Variants in PTPRN2 observed in about 807,000 individuals in gnomAD.
PTPRN2 encodes receptor-type tyrosine-protein phosphatase N2.
Under a neutral mutation model 118.8 loss-of-function variants are expected in PTPRN2, and 74 were observed. The ratio of observed to expected loss-of-function variants is 0.62; its 90% CI spans 0.52 to 0.76. PTPRN2 has a LOEUF of 0.76. Ranked by LOEUF, PTPRN2 falls within the 30% of genes least tolerant of loss-of-function variation. PTPRN2 has a pLI of 0.00. For missense variants in PTPRN2, 1,481 were observed against 1,394.4 expected, an observed-to-expected ratio of 1.06 and a Z score of -0.99; for synonymous variants, 641 against 608.0, an observed-to-expected ratio of 1.05 and a Z score of -0.80.
chr7:158,083,935 G>C (rs1053544436), intron 10 of PTPRN2, among the ~76,000 whole-genome samples: 1 of 152,254 alleles, frequency 6.6e-6, no homozygotes, highest in East Asian at 1.9e-4. Flanking sequence ...ACTTGAATAT[G>C]TGCAGGCTCT....
At chr7:158,484,981 A>G (rs1273026655) in intron 2 of PTPRN2, among the ~76,000 whole-genome samples, 1 of 152,144 alleles carries the variant, frequency 6.6e-6, no homozygotes, top group Non-Finnish European at 1.5e-5. Flanking sequence ...GTGAGCCACG[A>G]GCGCAAGGGC....
At chr7:158,151,916 G>A (rs1408018657) in intron 6 of PTPRN2, among the ~76,000 whole-genome samples, 1 of 152,190 alleles carries the variant, frequency 6.6e-6, no homozygotes, top group Non-Finnish European at 1.5e-5. Flanking sequence ...GCTCACGCCT[G>A]TAATCCCAGC....
At chr7:158,304,407 G>C (rs539548256) in intron 3 of PTPRN2, among the ~76,000 whole-genome samples, 1 of 151,006 alleles carries the variant, frequency 6.6e-6, no homozygotes, top group Non-Finnish European at 1.5e-5. Context: ...ATGCTAAGAC[G>C]TACACAGGCT....
intron 1 of PTPRN2, among the ~76,000 whole-genome samples, chr7:158,542,934 G>A (rs918954217): frequency 7.9e-5 from 12 of 152,158 alleles, no homozygotes; most frequent in African/African-American, 2.4e-4. Flanking sequence ...TGGGGGAGCC[G>A]CAGAGACCAC....
intron 12 of PTPRN2, among the ~76,000 whole-genome samples, chr7:157,791,575 C>T (rs970797133): frequency 2.0e-5 from 3 of 150,734 alleles, no homozygotes; most frequent in African/African-American, 2.5e-5. Flanking sequence ...TGCACCCGCC[C>T]CCCCTCCCTG....
intron 4 of PTPRN2, among the ~76,000 whole-genome samples, chr7:158,204,845 A>G (rs1451092271): frequency 1.3e-5 from 2 of 152,204 alleles, no homozygotes; most frequent in Admixed American, 1.3e-4. Flanking sequence ...TTTTGTCTAA[A>G]GCAAAAATAA....
At chr7:157,825,649 T>A (rs1807124871) in intron 12 of PTPRN2, among the ~76,000 whole-genome samples, 1 of 152,214 alleles carries the variant, frequency 6.6e-6, no homozygotes, top group South Asian at 2.1e-4. Context: ...CCTGGACCAC[T>A]GCCCTCCACA....
At position 158,312,735 on chromosome 7, in the gene PTPRN2, A is replaced by G. The variant is rs1282948249; in HGVS notation, c.277+4084T>C. ...CTCACATATAGATACCCACACACAC[A>G]CACCTGCACACTCATTCACGTGCTC... On this transcript the variant is annotated intron_variant, in intron 3 of 22. Coordinates refer to ENST00000389418, the MANE Select transcript of PTPRN2 (RefSeq NM_002847.5). Among the ~76,000 whole-genome samples the G allele has an allele frequency of 2.7e-5, 4 of 147,458 alleles. 1 individual carries two copies. Among genetic ancestry groups the G allele is most frequent in the East Asian group, 4.2e-4 (2 of 4,770 alleles).
Position 157,603,952 on chromosome 7 carries a change from C to T in PTPRN2, c.2418+50G>A, listed in dbSNP as rs756791152. 15 of 1,541,278 alleles carry T rather than the reference C, an allele frequency of 9.7e-6. No homozygotes were observed. Among genetic ancestry groups the T allele is most frequent in the Admixed American group, 3.4e-5 (2 of 59,332 alleles). Reference sequence around the variant, plus strand: ...ACCTTCCCACGTGATTTGCCGCGTCCGTGCCACCCAAGGGAAAGCCTGGGG... The same window carrying T: ...ACCTTCCCACGTGATTTGCCGCGTCTGTGCCACCCAAGGGAAAGCCTGGGG... On this transcript the variant is annotated intron_variant, in intron 16 of 22. Transcript: ENST00000389418. The surrounding 1 kb of genome is among the most constrained non-coding windows in gnomAD (Gnocchi z 5.4).
intron 9 of PTPRN2, 144 bp from the exon 10 acceptor site, chr7:158,111,059 A>G: frequency 3.0e-6 from 2 of 674,666 alleles, no homozygotes; most frequent in Admixed American, 5.9e-5. Flanking sequence ...CCCCTCAGGC[A>G]CAAGGAGTCA....
rs144801967 is a variant in PTPRN2 at position 158,477,345 on chromosome 7, G to A, written c.163+12390C>T. On this transcript the variant is annotated intron_variant, in intron 2 of 22. Coordinates refer to ENST00000389418, the MANE Select transcript of PTPRN2 (RefSeq NM_002847.5). ...CCTGTCTGACATTTTAACACGCACAGAAAACAGGGCACACAGCAAACAGGA... is the reference window on the plus strand; with the variant it reads ...CCTGTCTGACATTTTAACACGCACAAAAAACAGGGCACACAGCAAACAGGA... Among the ~76,000 whole-genome samples, 485 of 152,308 alleles carry A rather than the reference G, an allele frequency of 3.2e-3. 1 individual carries two copies. Among genetic ancestry groups the A allele is most frequent in the African/African-American group, 0.011 (449 of 41,560 alleles).
chr7:158,209,113 T>TAAA (rs34181322), intron 3 of PTPRN2, among the ~76,000 whole-genome samples: 1 of 147,796 alleles, frequency 6.8e-6, no homozygotes, highest in Non-Finnish European at 1.5e-5. Context: ...CACTTTCACT[T>TAAA]AAAAAAAAAA....
At chr7:158,342,839 G>C (rs1188246146) in intron 2 of PTPRN2, among the ~76,000 whole-genome samples, 2 of 152,084 alleles carry the variant, frequency 1.3e-5, no homozygotes, top group African/African-American at 2.4e-5. Flanking sequence ...AGACCACCGG[G>C]AGCTCAGGAA....
chr7:158,190,181 G>T (rs550651840), intron 5 of PTPRN2, among the ~76,000 whole-genome samples: 1 of 152,278 alleles, frequency 6.6e-6, no homozygotes, highest in African/African-American at 2.4e-5. Context: ...GACACCTCCA[G>T]GGCCACTACC....
intron 3 of PTPRN2, among the ~76,000 whole-genome samples, chr7:158,236,173 C>T (rs746483005): frequency 8.5e-5 from 13 of 152,170 alleles, no homozygotes; most frequent in Admixed American, 2.0e-4. Flanking sequence ...CTCTGGTCAT[C>T]GCAAACAGAG....
intron 2 of PTPRN2, among the ~76,000 whole-genome samples, chr7:158,405,006 C>T (rs866512846): frequency 2.4e-5 from 3 of 126,420 alleles, no homozygotes; most frequent in Non-Finnish European, 3.3e-5. Context: ...TCCAGCTCCT[C>T]GGCCTCAGCT....
chr7:158,009,482 A>G (rs567420584), intron 11 of PTPRN2, among the ~76,000 whole-genome samples: 2 of 152,158 alleles, frequency 1.3e-5, no homozygotes, highest in Non-Finnish European at 2.9e-5. Flanking sequence ...AAATGTTGGT[A>G]TATGTGATTT....
rs987234455 is a variant in PTPRN2, at chr7:158,001,526, A to G, written c.1723+79772T>C. ...CCTCAGGACCACAGGGCCTGAGTCCACGGCTGGGGACGTGCACAGCAGGGG... is the reference window on the plus strand; with the variant it reads ...CCTCAGGACCACAGGGCCTGAGTCCGCGGCTGGGGACGTGCACAGCAGGGG... On this transcript the variant is annotated intron_variant, in intron 11 of 22. Transcript: ENST00000389418. Among the ~76,000 whole-genome samples the G allele has an allele frequency of 3.3e-5, 5 of 152,196 alleles. No individual in the cohort carries two copies. The South Asian group carries it at 8.3e-4, about 25-fold the overall frequency.
At chr7:157,843,261 CTAAT>C (rs1259520954) in intron 12 of PTPRN2, among the ~76,000 whole-genome samples, 5 of 152,192 alleles carry the variant, frequency 3.3e-5, no homozygotes, top group African/African-American at 1.2e-4. Flanking sequence ...AAAAGGTAAC[CTAAT>C]TGGTAATCAG....
Sources: allele counts gnomAD v4.1 joint callset (sites outside exome capture counted in the v4.1 genomes callset), GRCh38; gene constraint gnomAD v4.1.1; non-coding constraint Gnocchi (gnomAD v3.1); transcripts MANE v1.5; gene names NCBI Gene and HGNC (gene_info 2026-07-23, HGNC 2026-07-21).